The following FSIP1 variants were observed in gnomAD, a reference collection of about 807,000 sequenced individuals.
FSIP1 encodes the protein fibrous sheath interacting protein 1.
In FSIP1, 65 loss-of-function variants were observed where a neutral mutation model predicts 60.9. The observed-to-expected ratio is 1.07, with a 90% CI of 0.87 to 1.31. FSIP1 has a LOEUF of 1.31. Ranked by LOEUF, FSIP1 falls within the 40% of genes most tolerant of loss-of-function variation. FSIP1 has a pLI of 0.00. For missense variants in FSIP1, 675 were observed against 665.5 expected, an observed-to-expected ratio of 1.01 and a Z score of -0.16; for synonymous variants, 209 against 221.2, an observed-to-expected ratio of 0.94 and a Z score of 0.49.
intron 5 of FSIP1, among the ~76,000 whole-genome samples, chr15:39,749,173 G>A (rs781341825): frequency 1.9e-4 from 28 of 144,218 alleles, no homozygotes; most frequent in Non-Finnish European, 2.7e-4. Context: ...AAACTTCCCC[G>A]CAAAGAAAAC....
chr15:39,661,211 C>T (rs916934413), intron 10 of FSIP1, among the ~76,000 whole-genome samples: 2 of 152,166 alleles, frequency 1.3e-5, no homozygotes, highest in Admixed American at 1.3e-4. Flanking sequence ...ACATATTTCC[C>T]TGGCAATTTT....
In FSIP1 at chr15:39,726,455, T is replaced by C. The variant is rs1896197931; in HGVS notation, c.1050+134A>G. 5.0e-6 allele frequency: 4 copies of C among 807,920 alleles called. 1 individual carries two copies. The highest frequency in any genetic ancestry group is 7.9e-6 in the Non-Finnish European group (4 of 509,160). 50.0% of individuals were successfully genotyped at this position (807,920 alleles called of 1,614,324 possible). On this transcript the variant is annotated intron_variant, in intron 9 of 11. Transcript: ENST00000350221. ...AAGAAAAGTGAGTAGAAAGTGGAAG[T>C]AACCAAAGGAATATACACACTGTTA...
chr15:39,741,885 T>A lies in FSIP1; in HGVS notation c.575A>T (p.Glu192Val). The change falls in exon 6 of 12, where the codon GAG (glutamate) becomes GTG (valine). Residue 192 changes from glutamate (E) to valine (V), a missense_variant. By Grantham distance (121) the Glu-to-Val change is moderately radical (BLOSUM62 -2). Transcript: ENST00000350221. ...SEETVGPSHE[E>V]EDTFSSVFHT... ...AAACACTGAGGAAAAGGTGTCTTCC[T>A]CCTCATGAGAAGGACCTGTTGATTT... The A allele has an allele frequency of 1.3e-6, 2 of 1,593,028 alleles. No individual in the cohort carries two copies. Among genetic ancestry groups the A allele is most frequent in the South Asian group, 2.2e-5 (2 of 90,606 alleles).
chr15:39,670,890 T>C (rs573228726), intron 10 of FSIP1, among the ~76,000 whole-genome samples: 4 of 152,230 alleles, frequency 2.6e-5, no homozygotes, highest in Non-Finnish European at 5.9e-5. Flanking sequence ...ATACTATTTT[T>C]CATTTTAGAA....
rs1456619173 is a variant in FSIP1 at position 39,644,426 on chromosome 15, GGCATCCTGCTGAACCAGGCTGCCAT to G, written c.1189-26206_1189-26182del. Among the ~76,000 whole-genome samples the G allele has an allele frequency of 2.6e-5, 4 of 152,238 alleles. No homozygotes were observed. The South Asian group carries it at 8.3e-4, about 32-fold the overall frequency. Reference sequence around the variant, plus strand: ...ACCCTGTGTTATCGCCACCAGTCAAGGCATCCTGCTGAACCAGGCTGCCATGCATCCCCTTTCCAGCCCATTTATC... The same window carrying G: ...ACCCTGTGTTATCGCCACCAGTCAAGGCATCCCCTTTCCAGCCCATTTATC... On this transcript the variant is annotated intron_variant, in intron 10 of 11. Coordinates refer to ENST00000350221, the MANE Select transcript of FSIP1 (RefSeq NM_152597.5).
chr15:39,743,440 A>T (rs1896871651), intron 5 of FSIP1, among the ~76,000 whole-genome samples: 1 of 152,178 alleles, frequency 6.6e-6, no homozygotes, highest in African/African-American at 2.4e-5. Context: ...TGGAGGAAAA[A>T]AAAAACATTT....
chr15:39,630,325 G>A (rs991895815), intron 10 of FSIP1, among the ~76,000 whole-genome samples: 2 of 152,186 alleles, frequency 1.3e-5, no homozygotes, highest in Admixed American at 6.5e-5. Flanking sequence ...AAGCTGTGTA[G>A]TGAACTGAAT....
At chr15:39,632,770 G>A (rs144778183) in intron 10 of FSIP1, among the ~76,000 whole-genome samples, 2,407 of 152,128 alleles carry the variant, frequency 0.016, 69 homozygotes, top group African/African-American at 0.055. Context: ...CCAACCTGGT[G>A]ACAGAGTGAG....
intron 9 of FSIP1, among the ~76,000 whole-genome samples, chr15:39,717,229 T>C (rs1270193075): frequency 6.7e-6 from 1 of 149,644 alleles, no homozygotes; most frequent in Non-Finnish European, 1.5e-5. Context: ...CAAATGTTCA[T>C]GGCAGCTAAA....
intron 10 of FSIP1, among the ~76,000 whole-genome samples, chr15:39,649,421 C>G (rs1442625475): frequency 6.6e-6 from 1 of 152,216 alleles, no homozygotes; most frequent in Non-Finnish European, 1.5e-5. Context: ...TTTGTCCCAC[C>G]TATTCTGATA....
At chr15:39,693,273 G>A (rs1359869951) in intron 10 of FSIP1, among the ~76,000 whole-genome samples, 4 of 152,176 alleles carry the variant, frequency 2.6e-5, no homozygotes, top group African/African-American at 4.8e-5. Context: ...GCTCTCACTG[G>A]CTGGATTTTA....
chr15:39,748,202 T>G (rs1897056992), intron 5 of FSIP1, among the ~76,000 whole-genome samples: 1 of 152,234 alleles, frequency 6.6e-6, no homozygotes, highest in Non-Finnish European at 1.5e-5. Flanking sequence ...ATACGCATTT[T>G]CTACTATATT....
At chr15:39,766,908 T>C (rs1280709057) in intron 3 of FSIP1, among the ~76,000 whole-genome samples, 1 of 152,182 alleles carries the variant, frequency 6.6e-6, no homozygotes, top group Non-Finnish European at 1.5e-5. Context: ...GGCATGATCA[T>C]AGCTCACTGC....
chr15:39,627,056 T>G (rs560197126), intron 10 of FSIP1, among the ~76,000 whole-genome samples: 1 of 152,252 alleles, frequency 6.6e-6, no homozygotes, highest in Admixed American at 6.5e-5. Flanking sequence ...TGCTCAACCC[T>G]GGGAACTGGA....
chr15:39,725,257 G>T (rs1321103776), intron 9 of FSIP1, among the ~76,000 whole-genome samples: 1 of 152,222 alleles, frequency 6.6e-6, no homozygotes, highest in African/African-American at 2.4e-5. Context: ...AAAGTCCTGG[G>T]ACACATTTGA....
intron 10 of FSIP1, among the ~76,000 whole-genome samples, chr15:39,693,494 A>T (rs1367276117): frequency 7.2e-5 from 11 of 152,362 alleles, no homozygotes; most frequent in Non-Finnish European, 7.3e-5. Context: ...AGCTGAACGC[A>T]TGGTTGTTGA....
chr15:39,762,602 G>A (rs201292611), intron 5 of FSIP1, among the ~76,000 whole-genome samples: 1 of 152,166 alleles, frequency 6.6e-6, no homozygotes, highest in Non-Finnish European at 1.5e-5. Flanking sequence ...CATATGGCTT[G>A]CTTGGGTTTC....
rs1891310819 is a variant in FSIP1 at position 39,618,208 on chromosome 15, T to C, written c.1226A>G (p.Lys409Arg). The C allele has an allele frequency of 2.5e-6, 4 of 1,611,486 alleles. No homozygotes were observed. Among genetic ancestry groups the C allele is most frequent in the Non-Finnish European group, 3.4e-6 (4 of 1,177,968 alleles). ...AAGTATGCATTCATCCAGAAGACAC[T>C]TTAACTGTTCTTCAGAGAGACATGA... is the stretch of plus-strand genomic sequence containing the variant. ...STSCLSEEQL[K>R]CLLDECILKQ... Residue 409 changes from lysine (K) to arginine (R), a missense_variant, in exon 11 of 12, where the codon AAG becomes AGG. Transcript: ENST00000350221.
chr15:39,702,982 CTTT>C (rs67911946), intron 10 of FSIP1, among the ~76,000 whole-genome samples: 52 of 133,926 alleles, frequency 3.9e-4, no homozygotes, highest in Non-Finnish European at 3.0e-4. Flanking sequence ...TCATAATTGT[CTTT>C]TTTTTTTTTT....
Sources: gnomAD v4.1 joint callset for allele counts (sites outside exome capture counted in the v4.1 genomes callset) on GRCh38, gnomAD v4.1.1 for gene constraint, MANE v1.5 for transcripts, NCBI Gene and HGNC (gene_info 2026-07-23, HGNC 2026-07-21) for gene names.